TACC1: variants seen among roughly 807,000 people sequenced by gnomAD.
TACC1 encodes transforming acidic coiled-coil-containing protein 1.
In TACC1, 48 loss-of-function variants were observed where a neutral mutation model predicts 84.4. The observed-to-expected ratio is 0.57, with a 90% CI of 0.45 to 0.72. The LOEUF (loss-of-function observed/expected upper bound fraction) is 0.72, where lower values mean the gene tolerates loss of function less well. TACC1 is among the 30% of genes least tolerant of loss of function. TACC1 has a pLI of 0.00. For missense variants in TACC1, 920 were observed against 973.0 expected, an observed-to-expected ratio of 0.95 and a Z score of 0.72; for synonymous variants, 372 against 376.3, an observed-to-expected ratio of 0.99 and a Z score of 0.13.
intron 2 of TACC1, among the ~76,000 whole-genome samples, chr8:38,798,639 G>GTA (rs1380805007): frequency 7.4e-5 from 11 of 148,918 alleles, no homozygotes; most frequent in Non-Finnish European, 1.3e-4. Context: ...GTGTGTGTGT[G>GTA]TATGTGTATT....
At chr8:38,779,334 AT>A (rs1815478933) in intron 3 of TACC1, among the ~76,000 whole-genome samples, 1 of 152,154 alleles carries the variant, frequency 6.6e-6, no homozygotes, top group South Asian at 2.1e-4. Flanking sequence ...TGAAATGAGC[AT>A]TTCACACTTT....
At chr8:38,842,187 C>T (rs1320918756) in intron 9 of TACC1, 100 bp from the exon 10 acceptor site, 2 of 1,405,254 alleles carry the variant, frequency 1.4e-6, no homozygotes, top group Admixed American at 2.1e-5. Context: ...AATTTGGTCA[C>T]ATCCCCGGCT....
At chr8:38,743,254 T>C (rs1807421296) in intron 2 of TACC1, among the ~76,000 whole-genome samples, 1 of 151,880 alleles carries the variant, frequency 6.6e-6, no homozygotes, top group African/African-American at 2.4e-5. Flanking sequence ...GAATTCAGAG[T>C]AAGACAGACA....
chr8:38,761,947 C>G (rs1811286935), intron 3 of TACC1, among the ~76,000 whole-genome samples: 1 of 152,106 alleles, frequency 6.6e-6, no homozygotes, highest in Admixed American at 6.6e-5. Flanking sequence ...GCTCTATCTC[C>G]CGTGAAGCCA....
At chr8:38,785,610 T>A, upstream of TACC1, 1 of 785,070 alleles carries the variant, frequency 1.3e-6, no homozygotes, top group Non-Finnish European at 1.5e-6. Context: ...AGAGAACTAT[T>A]CAGGAGGAAG....
rs149836912 is a variant in TACC1, at chr8:38,846,769, C to T, written c.2299C>T (p.Arg767Cys). ...GAGTGCAGCTCTCCATGCTGGACTC[C>T]GCAAAGAGCAGATGAAGGTGGAGTC... ...AESAALHAGLRKEQMKVESLE... is the reference protein window; with the variant it reads ...AESAALHAGLCKEQMKVESLE... The change falls in exon 12 of 13, where the codon CGC becomes TGC. Residue 767 changes from arginine (R) to cysteine (C), a missense_variant. Arg to Cys is a radical substitution (Grantham distance 180). Around this residue, in one of 2 missense-constraint regions of TACC1, gnomAD observed 158 missense variants for 225.6 expected, o/e 0.70. Transcript: ENST00000317827. The T allele has an allele frequency of 6.2e-6, 10 of 1,613,956 alleles. No homozygotes were observed. The highest frequency in any genetic ancestry group is 4.5e-5 in the East Asian group (2 of 44,890).
At chr8:38,744,084 T>C (rs1807597959) in intron 2 of TACC1, 1 of 152,180 alleles carries the variant, frequency 6.6e-6, no homozygotes, top group Admixed American at 6.5e-5. Context: ...ATCAGACTCC[T>C]TATTCTACTC....
intron 10 of TACC1, 118 bp downstream of exon 10, chr8:38,842,565 G>A: frequency 9.0e-7 from 1 of 1,115,360 alleles, no homozygotes; most frequent in Non-Finnish European, 1.3e-6. Context: ...GGAGCTCAGG[G>A]CCTACTGGCC....
At chr8:38,844,826 T>G (rs1039326398) in intron 11 of TACC1, 2 of 152,234 alleles carry the variant, frequency 1.3e-5, no homozygotes, top group Non-Finnish European at 2.9e-5. Flanking sequence ...GGATAGAAAA[T>G]ATTCTCCCAT....
chr8:38,823,431 C>T (rs190094995), intron 3 of TACC1, among the ~76,000 whole-genome samples: 91 of 152,262 alleles, frequency 6.0e-4, no homozygotes, highest in East Asian at 1.9e-4. Context: ...CTTCTGCATA[C>T]TGAAGTTGAT....
chr8:38,821,428 T>C (rs1826791724), intron 3 of TACC1, among the ~76,000 whole-genome samples: 1 of 152,200 alleles, frequency 6.6e-6, no homozygotes. Flanking sequence ...GAAGACTTTT[T>C]ACATAAACAG....
At chr8:38,772,531 C>T (rs767791288) in intron 3 of TACC1, among the ~76,000 whole-genome samples, 2 of 152,160 alleles carry the variant, frequency 1.3e-5, no homozygotes, top group Non-Finnish European at 2.9e-5. Context: ...GCATGTTATG[C>T]AGTGAAGAGA....
At chr8:38,833,858 A>C (rs1829732219) in intron 6 of TACC1, among the ~76,000 whole-genome samples, 1 of 152,216 alleles carries the variant, frequency 6.6e-6, no homozygotes, top group South Asian at 2.1e-4. Flanking sequence ...AAGAACTCAG[A>C]AGAGACTGAC....
At chr8:38,842,526 GC>G in intron 10 of TACC1, 79 bp downstream of exon 10, 2 of 1,442,386 alleles carry the variant, frequency 1.4e-6, no homozygotes, top group South Asian at 2.8e-5. Flanking sequence ...AAATACATAT[GC>G]CAGAGGTTGT....
Position 38,852,332 on chromosome 8 carries a change from G to A in TACC1, c.*4309G>A, listed in dbSNP as rs1336937646. ...GCAATGCTGGCCTGTGGTGGTCTGT[G>A]TAATGCTTTAACTTGTATGGAGGAG... is the stretch of plus-strand genomic sequence containing the variant. On this transcript the variant is annotated 3_prime_UTR_variant, in exon 13 of 13. Transcript: ENST00000317827. The A allele has an allele frequency of 5.5e-6, 1 of 181,676 alleles. No homozygotes were observed. The highest frequency in any genetic ancestry group is 2.4e-5 in the African/African-American group (1 of 42,094). 11.3% of individuals were successfully genotyped at this position (181,676 alleles called of 1,614,324 possible).
At chr8:38,837,707 A>G (rs1830494371) in intron 7 of TACC1, among the ~76,000 whole-genome samples, 1 of 152,230 alleles carries the variant, frequency 6.6e-6, no homozygotes, top group African/African-American at 2.4e-5. Context: ...CACAGGATAC[A>G]TCCTTCTATG....
At chr8:38,791,566 G>A (rs1233412773) in intron 2 of TACC1, among the ~76,000 whole-genome samples, 2 of 152,186 alleles carry the variant, frequency 1.3e-5, no homozygotes, top group African/African-American at 4.8e-5. Flanking sequence ...GCCTGGAGAG[G>A]ATTTCAGTGG....
In TACC1 at chr8:38,842,397, C is replaced by A. The variant is rs767165581; in HGVS notation, c.2071C>A (p.Leu691Ile). 1.2e-6 allele frequency: 2 copies of A among 1,614,180 alleles called. No individual in the cohort carries two copies. Among genetic ancestry groups the A allele is most frequent in the South Asian group, 2.2e-5 (2 of 91,080 alleles). ...CTCTGTGGAAAGGTCCCTTTCTGAT[C>A]TCTTCAGGAGATATGAGAACCTGAA... Reference protein sequence around the residue: ...LNSVERSLSDLFRRYENLKGV... With the variant: ...LNSVERSLSDIFRRYENLKGV... Residue 691 changes from leucine to isoleucine, a missense_variant, in exon 10 of 13, where the codon CTC becomes ATC. Transcript: ENST00000317827.
At chr8:38,752,679 A>C (rs1809265315) in intron 3 of TACC1, among the ~76,000 whole-genome samples, 2 of 152,152 alleles carry the variant, frequency 1.3e-5, no homozygotes, top group South Asian at 4.1e-4. Context: ...CCAGAGACTA[A>C]CAAATAAGGG....
Sources: allele counts gnomAD v4.1 joint callset (sites outside exome capture counted in the v4.1 genomes callset), GRCh38; gene constraint gnomAD v4.1.1; regional missense constraint gnomAD v4.1.1; transcripts MANE v1.5; gene names NCBI Gene and HGNC (gene_info 2026-07-23, HGNC 2026-07-21).